Variants in PDE12 observed in about 807,000 individuals in gnomAD.
The protein encoded by PDE12 is phosphodiesterase 12.
In PDE12, 26 loss-of-function variants were observed where a neutral mutation model predicts 45.4. The ratio of observed to expected loss-of-function variants is 0.57; its 90% confidence interval spans 0.42 to 0.79. The LOEUF is 0.79. PDE12 is among the 30% of genes least tolerant of loss of function. PDE12 has a pLI of 0.00. For synonymous variants in PDE12, 283 were observed against 323.9 expected (o/e 0.87, Z 1.36); for missense variants, 668 against 790.0 (o/e 0.85, Z 1.85).
At chr3:57,605,974 T>G in the PDE12 span, among the ~76,000 whole-genome samples, 3 of 151,720 alleles carry the variant, frequency 2.0e-5, no homozygotes, top group Admixed American at 2.0e-4. Flanking sequence ...AAAGGAAAAA[T>G]GAAGAGCATT....
the PDE12 span, among the ~76,000 whole-genome samples, chr3:57,590,055 AC>A: frequency 2.7e-5 from 4 of 150,450 alleles, no homozygotes; most frequent in Admixed American, 1.3e-4. Flanking sequence ...ATGCCACTGC[AC>A]TCCAGCCTGG....
At chr3:57,604,373 T>C in the PDE12 span, among the ~76,000 whole-genome samples, 1 of 152,144 alleles carries the variant, frequency 6.6e-6, no homozygotes, top group Non-Finnish European at 1.5e-5. Flanking sequence ...GTTGATAGTG[T>C]TAACAAAATA....
the PDE12 span, among the ~76,000 whole-genome samples, chr3:57,586,957 A>G: frequency 0.75 from 112,982 of 151,022 alleles, 44,209 homozygotes; most frequent in East Asian, 1. Flanking sequence ...ACACACACGC[A>G]CACACACAAA....
At chr3:57,607,439 C>T in the PDE12 span, among the ~76,000 whole-genome samples, 6 of 152,112 alleles carry the variant, frequency 3.9e-5, no homozygotes, top group Non-Finnish European at 4.4e-5. Context: ...GATCAAACTT[C>T]TCCAAGCTAA....
At chr3:57,656,390 T>G in the PDE12 span, among the ~76,000 whole-genome samples, 1 of 152,218 alleles carries the variant, frequency 6.6e-6, no homozygotes, top group African/African-American at 2.4e-5. Context: ...GTATTCCATG[T>G]GCATTCATGT....
the PDE12 span, among the ~76,000 whole-genome samples, chr3:57,637,192 G>A: frequency 6.6e-6 from 1 of 152,094 alleles, no homozygotes; most frequent in African/African-American, 2.4e-5. Context: ...ACTAAAGCAT[G>A]GGCAGAACTT....
the PDE12 span, among the ~76,000 whole-genome samples, chr3:57,616,759 C>T: frequency 5.3e-5 from 8 of 152,166 alleles, no homozygotes; most frequent in African/African-American, 1.9e-4. Context: ...TGTGGTGGCT[C>T]ATGCCTGTAA....
Position 57,556,389 on chromosome 3 carries a change from C to G in PDE12, c.10C>G (p.Leu4Val). The stretch of plus-strand genomic sequence containing the variant: ...CTAGGCCACCAGGTTCATGTGGAGG[C>G]TCCCAGGCGCCCGCGCCGCGCTTCG... MWR[L>V]PGARAALRVI... Residue 4 changes from leucine (L) to valine (V), a missense_variant, in exon 1 of 3, where the codon CTC becomes GTC. Around this residue, in one of 3 missense-constraint regions of PDE12, gnomAD observed 580 missense variants for 662.9 expected, o/e 0.87. Transcript: ENST00000311180. The surrounding 1 kb of genome is among the most constrained non-coding windows in gnomAD (Gnocchi z 5.0). 6.3e-7 allele frequency: 1 copy of G among 1,576,066 alleles called. No homozygotes were observed. Among genetic ancestry groups the G allele is most frequent in the Non-Finnish European group, 8.6e-7 (1 of 1,161,742 alleles).
chr3:57,597,359 G>A, the PDE12 span: 5 of 476,952 alleles, frequency 1.0e-5, no homozygotes, highest in Non-Finnish European at 1.9e-5. Flanking sequence ...CGGCAGCTCC[G>A]GCTCTAGCCT....
the PDE12 span, among the ~76,000 whole-genome samples, chr3:57,582,658 C>A: frequency 4.1e-4 from 62 of 152,240 alleles, no homozygotes; most frequent in African/African-American, 1.5e-3. Flanking sequence ...TGGCAATAAA[C>A]CCCACTTGTA....
At chr3:57,606,947 A>T in the PDE12 span, among the ~76,000 whole-genome samples, 1 of 152,020 alleles carries the variant, frequency 6.6e-6, no homozygotes, top group South Asian at 2.1e-4. Flanking sequence ...CAGACTGCCT[A>T]CTCAAGTGGG....
the PDE12 span, among the ~76,000 whole-genome samples, chr3:57,644,608 G>A: frequency 2.0e-5 from 3 of 147,212 alleles, no homozygotes; most frequent in African/African-American, 5.0e-5. Context: ...ACGACTGGCT[G>A]GTGATTAAAA....
the PDE12 span, among the ~76,000 whole-genome samples, chr3:57,593,276 A>G: frequency 6.6e-6 from 1 of 152,194 alleles, no homozygotes; most frequent in Admixed American, 6.6e-5. Flanking sequence ...CAGATAGGTA[A>G]TTATCACTTT....
At chr3:57,648,023 G>A in the PDE12 span, among the ~76,000 whole-genome samples, 5 of 152,040 alleles carry the variant, frequency 3.3e-5, no homozygotes, top group African/African-American at 4.8e-5. Flanking sequence ...AGCAATCAGA[G>A]AAGAGAAAGA....
the PDE12 span, among the ~76,000 whole-genome samples, chr3:57,582,102 AGT>A: frequency 6.6e-6 from 1 of 152,206 alleles, no homozygotes; most frequent in Non-Finnish European, 1.5e-5. Context: ...GATCAGAAAC[AGT>A]GGTTTCTGGT....
the PDE12 span, among the ~76,000 whole-genome samples, chr3:57,607,011 G>T: frequency 1.3e-5 from 2 of 152,174 alleles, no homozygotes; most frequent in Non-Finnish European, 2.9e-5. Context: ...GGGGCAGACT[G>T]ACACCCCACA....
Position 57,557,159 on chromosome 3 carries a change from C to T in PDE12, c.780C>T (p.His260=), listed in dbSNP as rs901778761. 1.2e-6 allele frequency: 2 copies of T among 1,613,984 alleles called. No homozygotes were observed. Among genetic ancestry groups the T allele is most frequent in the African/African-American group, 2.7e-5 (2 of 74,904 alleles). ...CTPGDGQRFG[H]SRELESVCVV... ...CAGGCGATGGGCAGCGCTTTGGGCA[C>T]AGCCGGGAGTTGGAAAGTGTGTGTG... Residue 260 remains histidine, a synonymous_variant, in exon 1 of 3, where the codon CAC becomes CAT. Coordinates refer to ENST00000311180, the MANE Select transcript of PDE12 (RefSeq NM_177966.7).
At chr3:57,615,583 C>A in the PDE12 span, among the ~76,000 whole-genome samples, 7 of 151,846 alleles carry the variant, frequency 4.6e-5, no homozygotes, top group East Asian at 3.9e-4. Flanking sequence ...GCGGGTGGAT[C>A]ATTTGAGGTC....
At position 57,556,325 on chromosome 3, in the gene PDE12, G is replaced by A; in HGVS notation, c.-55G>A. The A allele has an allele frequency of 6.7e-7, 1 of 1,493,996 alleles. No homozygotes were observed. The highest frequency in any genetic ancestry group is 2.5e-5 in the East Asian group (1 of 40,408). The allele number at this position is 1,493,996 out of a possible 1,614,324, so 92.5% of individuals were successfully genotyped here. A position where few individuals can be genotyped will look rare whatever the true frequency, so the allele number is the denominator to read the frequency against. On this transcript the variant is annotated 5_prime_UTR_variant, in exon 1 of 3. It removes the in-frame stop codon of an upstream open reading frame in the 5' UTR. Coordinates refer to ENST00000311180, the MANE Select transcript of PDE12 (RefSeq NM_177966.7). The surrounding 1 kb of genome is among the most constrained non-coding windows in gnomAD (Gnocchi z 5.0). ...CGGCCTCGGCTCCTCAGCTCCACCT[G>A]ACAGTAGGCCGCTGATCGGCCGCGG...
Sources: allele counts gnomAD v4.1 joint callset (sites outside exome capture counted in the v4.1 genomes callset), GRCh38; gene constraint gnomAD v4.1.1; regional missense constraint gnomAD v4.1.1; non-coding constraint Gnocchi (gnomAD v3.1); transcripts MANE v1.5; gene names NCBI Gene and HGNC (gene_info 2026-07-23, HGNC 2026-07-21).